PRR5L: variants seen among roughly 807,000 people sequenced by gnomAD.
PRR5L encodes proline rich 5 like.
PRR5L carries 21 observed loss-of-function variants against 36.4 expected under a neutral mutation model. That is an observed-to-expected ratio of 0.58 (90% confidence interval 0.41 to 0.83). The LOEUF (loss-of-function observed/expected upper bound fraction) is 0.83. Ranked by LOEUF, PRR5L falls within the 40% of genes least tolerant of loss-of-function variation. PRR5L has a pLI of 0.00. For synonymous variants in PRR5L, 188 were observed against 197.0 expected (o/e 0.95, Z 0.38); for missense variants, 381 against 473.3 (o/e 0.80, Z 1.81).
chr11:36,332,905 C>G (rs1249745232), intron 1 of PRR5L, among the ~76,000 whole-genome samples: 1 of 152,168 alleles, frequency 6.6e-6, no homozygotes, highest in East Asian at 1.9e-4. Flanking sequence ...AAATAAACCT[C>G]TTTTCTTTAT....
At position 36,428,739 on chromosome 11, in the gene PRR5L, C is replaced by T. The variant is rs545586737; in HGVS notation, c.295-3114C>T. ...AAGATAAGAGCAAAATCTACAGACT[C>T]CTGGGGGCAGGGGGTTATATAAGGA... On this transcript the variant is annotated intron_variant, in intron 4 of 8. Coordinates refer to ENST00000530639, the MANE Select transcript of PRR5L (RefSeq NM_001160167.2). Among the ~76,000 whole-genome samples, 447 of 152,256 alleles carry T rather than the reference C, an allele frequency of 2.9e-3. 2 individuals carry two copies. The highest frequency in any genetic ancestry group is 8.9e-3 in the African/African-American group (368 of 41,538).
At chr11:36,313,248 A>T (rs2133456871) in intron 1 of PRR5L, among the ~76,000 whole-genome samples, 1 of 152,310 alleles carries the variant, frequency 6.6e-6, no homozygotes, top group East Asian at 1.9e-4. Flanking sequence ...TTGGTCAAGA[A>T]ATGTACCTAA....
rs539684215 is a variant in PRR5L at position 36,431,809 on chromosome 11, C to T, written c.295-44C>T. ...TGGAAGAGGGTTCATCACTTACGCT[C>T]TGGAGTTGTCCAAATTCTTATGTTC... On this transcript the variant is annotated intron_variant, in intron 4 of 8. Transcript: ENST00000530639. 63 of 1,584,080 alleles carry T rather than the reference C, an allele frequency of 4.0e-5. No individual in the cohort carries two copies. The South Asian group carries it at 6.3e-4, about 16-fold the overall frequency.
chr11:36,297,929 G>A (rs1856330671), intron 1 of PRR5L, among the ~76,000 whole-genome samples: 1 of 152,234 alleles, frequency 6.6e-6, no homozygotes, highest in South Asian at 2.1e-4. Context: ...GAAAGGAGCT[G>A]GAAGTCCGTA....
intron 8 of PRR5L, among the ~76,000 whole-genome samples, chr11:36,454,447 G>A (rs1564954460): frequency 6.6e-6 from 1 of 152,180 alleles, no homozygotes. Flanking sequence ...ATCGCTGGCT[G>A]AAGTAAAAAC....
intron 1 of PRR5L, among the ~76,000 whole-genome samples, chr11:36,389,185 T>A (rs981339869): frequency 1.9e-5 from 1 of 53,292 alleles, no homozygotes; most frequent in South Asian, 4.5e-4. Context: ...GGAAATACAT[T>A]TGTTGGTCAG....
At chr11:36,348,164 G>A (rs775713683) in intron 1 of PRR5L, among the ~76,000 whole-genome samples, 5 of 152,136 alleles carry the variant, frequency 3.3e-5, no homozygotes, top group Admixed American at 6.5e-5. Flanking sequence ...TCCTGTAGCT[G>A]TGTTTGACAT....
At chr11:36,423,380 A>T (rs1224898053) in intron 4 of PRR5L, among the ~76,000 whole-genome samples, 1 of 152,194 alleles carries the variant, frequency 6.6e-6, no homozygotes, top group Non-Finnish European at 1.5e-5. Flanking sequence ...GTGTAGCGTT[A>T]ACTGAAGACC....
intron 1 of PRR5L, among the ~76,000 whole-genome samples, chr11:36,366,278 T>C (rs1857142938): frequency 6.6e-6 from 1 of 152,168 alleles, no homozygotes; most frequent in Admixed American, 6.5e-5. Flanking sequence ...GGGGAGTAAG[T>C]GAGCCACTGC....
chr11:36,364,693 C>T (rs1857126520), intron 1 of PRR5L, among the ~76,000 whole-genome samples: 1 of 152,168 alleles, frequency 6.6e-6, no homozygotes, highest in African/African-American at 2.4e-5. Flanking sequence ...ACATCCTTAG[C>T]AAGTGTAGCC....
chr11:36,311,149 A>G (rs912531909), intron 1 of PRR5L, among the ~76,000 whole-genome samples: 2 of 152,126 alleles, frequency 1.3e-5, no homozygotes, highest in African/African-American at 4.8e-5. Context: ...GAGTTTAGGG[A>G]AGGAAAGGAT....
intron 8 of PRR5L, among the ~76,000 whole-genome samples, chr11:36,454,361 TAA>T (rs1364144432): frequency 9.2e-5 from 14 of 152,280 alleles, no homozygotes; most frequent in African/African-American, 3.4e-4. Context: ...GCTTTCCAGA[TAA>T]AGAGAGGTCT....
At chr11:36,325,537 T>G (rs539676928) in intron 1 of PRR5L, among the ~76,000 whole-genome samples, 4 of 152,356 alleles carry the variant, frequency 2.6e-5, no homozygotes, top group African/African-American at 9.6e-5. Context: ...TATATCCTGA[T>G]CATTGTCCCT....
chr11:36,316,653 G>C (rs527690209), intron 1 of PRR5L, among the ~76,000 whole-genome samples: 60 of 152,098 alleles, frequency 3.9e-4, no homozygotes, highest in African/African-American at 1.3e-3. Context: ...TCCAGTGCAG[G>C]GTCTGCAAAA....
At chr11:36,435,010 C>T (rs1310904930) in intron 5 of PRR5L, among the ~76,000 whole-genome samples, 1 of 152,136 alleles carries the variant, frequency 6.6e-6, no homozygotes, top group African/African-American at 2.4e-5. Flanking sequence ...GTTCTCTCTT[C>T]TTCCCCTCCT....
At chr11:36,376,046 C>A in intron 1 of PRR5L, 1 of 751,400 alleles carries the variant, frequency 1.3e-6, no homozygotes, top group Non-Finnish European at 2.0e-6. Context: ...GCAGATCTCC[C>A]GTTGTGTGAG....
At chr11:36,350,936 A>ATATATATATG (rs1856925863) in intron 1 of PRR5L, among the ~76,000 whole-genome samples, 1 of 34,082 alleles carries the variant, frequency 2.9e-5, no homozygotes, top group Non-Finnish European at 5.0e-5. Flanking sequence ...ATATTTATAT[A>ATATATATATG]TTTATATATA....
At chr11:36,437,553 C>T in intron 6 of PRR5L, 77 bp downstream of exon 6, 1 of 852,038 alleles carries the variant, frequency 1.2e-6, no homozygotes, top group Non-Finnish European at 1.9e-6. Flanking sequence ...CCTGAGGGCT[C>T]CTGGTAAATG....
intron 8 of PRR5L, among the ~76,000 whole-genome samples, chr11:36,451,907 G>A (rs1858953347): frequency 6.6e-6 from 1 of 152,118 alleles, no homozygotes; most frequent in Non-Finnish European, 1.5e-5. Flanking sequence ...GCATCAGTGA[G>A]TGTCAGGCTC....
Sources: gnomAD v4.1 joint callset for allele counts (sites outside exome capture counted in the v4.1 genomes callset) on GRCh38, gnomAD v4.1.1 for gene constraint, MANE v1.5 for transcripts, NCBI Gene and HGNC (gene_info 2026-07-23, HGNC 2026-07-21) for gene names.